Variants in KCNK9 observed in about 807,000 individuals in gnomAD.
KCNK9 encodes the protein potassium channel subfamily K member 9.
KCNK9 carries 1 observed loss-of-function variant against 10.8 expected under a neutral mutation model. The observed-to-expected ratio is 0.09, with a 90% CI of 0.03 to 0.44. The LOEUF (loss-of-function observed/expected upper bound fraction) is 0.44, where lower values mean the gene tolerates loss of function less well. KCNK9 is among the 20% of genes least tolerant of loss of function. The probability of loss-of-function intolerance (pLI) is 0.97; values close to 1 mark genes in which losing one functional copy is unlikely to be tolerated. For synonymous variants in KCNK9, 231 were observed against 222.7 expected (o/e 1.04, Z -0.33); for missense variants, 303 against 515.0 (o/e 0.59, Z 3.98).
intron 1 of KCNK9, among the ~76,000 whole-genome samples, chr8:139,675,103 C>T (rs1390886481): frequency 2.0e-5 from 3 of 152,192 alleles, no homozygotes; most frequent in Non-Finnish European, 2.9e-5. Context: ...TCCCAAGCCT[C>T]GGTTATCCAC....
At chr8:139,641,636 C>T (rs1016784850) in intron 1 of KCNK9, among the ~76,000 whole-genome samples, 3 of 152,158 alleles carry the variant, frequency 2.0e-5, no homozygotes, top group African/African-American at 4.8e-5. Flanking sequence ...GCCTGCCCCC[C>T]CCCCGCACTT....
intron 1 of KCNK9, among the ~76,000 whole-genome samples, chr8:139,669,626 C>T (rs1166416475): frequency 6.6e-6 from 1 of 152,236 alleles, no homozygotes; most frequent in Non-Finnish European, 1.5e-5. Flanking sequence ...ATTTCCACCA[C>T]ATCTGTGGTT....
intron 1 of KCNK9, among the ~76,000 whole-genome samples, chr8:139,685,651 A>G (rs1816774379): frequency 6.6e-6 from 1 of 152,188 alleles, no homozygotes; most frequent in Admixed American, 6.5e-5. Context: ...CATGGTGTAT[A>G]TGTGCTACAT....
chr8:139,618,238 TC>T lies in KCNK9; in HGVS notation c.*19del, dbSNP rs775227925. ...CCAACTATGACAAATGACTTTTCTG[TC>T]CCATTTCCCTCCCCACACCTAAACG... On this transcript the variant is annotated 3_prime_UTR_variant, in exon 2 of 2. Coordinates refer to ENST00000520439, the MANE Select transcript of KCNK9 (RefSeq NM_001282534.2). This position sits in a 1 kb window ranked among gnomAD's most constrained non-coding sequence, Gnocchi z 7.9. The T allele has an allele frequency of 3.1e-6, 5 of 1,614,048 alleles. No homozygotes were observed. The Admixed American group carries it at 8.3e-5, about 27-fold the overall frequency.
intron 1 of KCNK9, among the ~76,000 whole-genome samples, chr8:139,628,569 T>G (rs749412380): frequency 6.6e-6 from 1 of 152,208 alleles, no homozygotes; most frequent in Non-Finnish European, 1.5e-5. Context: ...GCCCCAGCCC[T>G]GAGCTGCCCT....
At chr8:139,603,610 G>A (rs1325239393) in intron 2 of KCNK9, among the ~76,000 whole-genome samples, 2 of 152,140 alleles carry the variant, frequency 1.3e-5, no homozygotes, top group African/African-American at 2.4e-5. Context: ...CAGGGTATAC[G>A]GCCAGGACTG....
At chr8:139,698,685 T>C (rs972989813) in intron 1 of KCNK9, among the ~76,000 whole-genome samples, 2 of 152,140 alleles carry the variant, frequency 1.3e-5, no homozygotes, top group African/African-American at 4.8e-5. Flanking sequence ...CCCCAGAGCC[T>C]CAGAGCCTTG....
chr8:139,628,160 C>T (rs920707191), intron 1 of KCNK9, among the ~76,000 whole-genome samples: 1 of 152,112 alleles, frequency 6.6e-6, no homozygotes, highest in Admixed American at 6.5e-5. Flanking sequence ...GGGAGGAGGG[C>T]GGCAGGAGAG....
downstream of KCNK9, among the ~76,000 whole-genome samples, chr8:139,613,308 T>C (rs561065009): frequency 4.3e-4 from 66 of 152,302 alleles, no homozygotes; most frequent in South Asian, 0.013. Flanking sequence ...ATCTTCAACA[T>C]AGAAGGTCAG....
intron 1 of KCNK9, among the ~76,000 whole-genome samples, chr8:139,675,318 C>T (rs762657237): frequency 8.5e-5 from 13 of 152,234 alleles, no homozygotes; most frequent in Non-Finnish European, 1.6e-4. Flanking sequence ...CTTCCCAAAA[C>T]GTATTCCACG....
rs3780052 is a variant in KCNK9 at position 139,645,636 on chromosome 8, C to G, written c.284-26537G>C. Among the ~76,000 whole-genome samples the G allele has an allele frequency of 3.3e-5, 5 of 152,320 alleles. No homozygotes were observed. In the East Asian group the frequency reaches 9.7e-4, roughly 29 times the overall value. On this transcript the variant is annotated intron_variant, in intron 1 of 1. Coordinates refer to ENST00000520439, the MANE Select transcript of KCNK9 (RefSeq NM_001282534.2). ...CAGTCCCCTCCCTCCTGCCCATGCC[C>G]CACACTCTAGAGCCCTGCACCTGCC...
intron 1 of KCNK9, among the ~76,000 whole-genome samples, chr8:139,680,327 A>C (rs759903760): frequency 6.6e-6 from 1 of 150,896 alleles, no homozygotes; most frequent in Non-Finnish European, 1.5e-5. Flanking sequence ...CTCACTTTCC[A>C]CCTCCCCACC....
intron 1 of KCNK9, among the ~76,000 whole-genome samples, chr8:139,683,888 G>A (rs1179957745): frequency 6.6e-6 from 1 of 152,228 alleles, no homozygotes. Flanking sequence ...TTGGCCTATG[G>A]GGCACAGGTG....
chr8:139,615,476 A>G (rs1447140420), downstream of KCNK9, among the ~76,000 whole-genome samples: 2 of 152,166 alleles, frequency 1.3e-5, no homozygotes. Context: ...CTATACCTAG[A>G]TATCTCCTTG....
downstream of KCNK9, among the ~76,000 whole-genome samples, chr8:139,610,490 A>T (rs928081257): frequency 1.3e-5 from 2 of 152,240 alleles, no homozygotes; most frequent in African/African-American, 4.8e-5. Flanking sequence ...AGAAGATTTC[A>T]TCAAGACAAG....
chr8:139,650,874 G>C (rs1815842143), intron 1 of KCNK9, among the ~76,000 whole-genome samples: 1 of 152,188 alleles, frequency 6.6e-6, no homozygotes, highest in African/African-American at 2.4e-5. Flanking sequence ...GAGGCCACCA[G>C]CCCCTTGACA....
chr8:139,616,403 G>T (rs768725439), downstream of KCNK9: 5 of 152,230 alleles, frequency 3.3e-5, no homozygotes, highest in Non-Finnish European at 7.3e-5. Context: ...GTTGAGAACT[G>T]TCAACTTTGG....
At chr8:139,686,216 G>C (rs1429475407) in intron 1 of KCNK9, among the ~76,000 whole-genome samples, 1 of 152,116 alleles carries the variant, frequency 6.6e-6, no homozygotes, top group African/African-American at 2.4e-5. Flanking sequence ...AAGATTTCAT[G>C]ACTAAAACAC....
At chr8:139,663,534 G>A (rs28399864) in intron 1 of KCNK9, among the ~76,000 whole-genome samples, 38,430 of 151,602 alleles carry the variant, frequency 0.25, 5,309 homozygotes, top group African/African-American at 0.37. Context: ...TCACCCTGAG[G>A]ACACACCTGT....
Sources: gnomAD v4.1 joint callset for allele counts (sites outside exome capture counted in the v4.1 genomes callset) on GRCh38, gnomAD v4.1.1 for gene constraint, Gnocchi (gnomAD v3.1) non-coding constraint, MANE v1.5 for transcripts, NCBI Gene and HGNC (gene_info 2026-07-23, HGNC 2026-07-21) for gene names.